The following OSBPL10 variants were observed in gnomAD, a reference collection of about 807,000 sequenced individuals.
The protein encoded by OSBPL10 is oxysterol-binding protein-related protein 10.
In OSBPL10, 49 loss-of-function variants were observed where a neutral mutation model predicts 81.7. The ratio of observed to expected loss-of-function variants is 0.60; its 90% CI spans 0.48 to 0.76. The LOEUF (loss-of-function observed/expected upper bound fraction) is 0.76, where lower values mean the gene tolerates loss of function less well. OSBPL10 is among the 30% of genes least tolerant of loss of function. OSBPL10 has a pLI of 0.00. For synonymous variants in OSBPL10, 419 were observed against 383.6 expected, an observed-to-expected ratio of 1.09 and a Z score of -1.08; for missense variants, 923 against 987.8, an observed-to-expected ratio of 0.93 and a Z score of 0.88.
intron 1 of OSBPL10, among the ~76,000 whole-genome samples, chr3:31,881,511 A>G (rs562217619): frequency 3.9e-5 from 6 of 152,132 alleles, no homozygotes; most frequent in Non-Finnish European, 7.4e-5. Context: ...TTTTGCAAAG[A>G]GTTTCAGCAG....
At chr3:32,056,020 A>G (rs1699708898) in intron 1 of OSBPL10, among the ~76,000 whole-genome samples, 1 of 152,252 alleles carries the variant, frequency 6.6e-6, no homozygotes, top group Admixed American at 6.5e-5. Flanking sequence ...TGTGACAAAT[A>G]ATTATTCTTG....
chr3:31,980,839 A>G (rs1487046822), intron 1 of OSBPL10, 60 bp downstream of exon 1: 32 of 1,414,352 alleles, frequency 2.3e-5, no homozygotes, highest in Non-Finnish European at 2.8e-5. Flanking sequence ...ACACACACGC[A>G]CGCACACACA....
chr3:32,039,354 G>A (rs1017907188), intron 2 of OSBPL10, among the ~76,000 whole-genome samples: 1 of 79,120 alleles, frequency 1.3e-5, no homozygotes, highest in Non-Finnish European at 3.0e-5. Flanking sequence ...TAATTAATTA[G>A]TTAATTAAAA....
intron 1 of OSBPL10, among the ~76,000 whole-genome samples, chr3:31,943,028 T>C (rs1697581513): frequency 6.6e-6 from 1 of 152,222 alleles, no homozygotes; most frequent in Non-Finnish European, 1.5e-5. Context: ...TCCTCAGCCC[T>C]TGGTATCTTC....
chr3:31,694,072 T>C (rs545772461), intron 7 of OSBPL10, among the ~76,000 whole-genome samples: 63 of 152,300 alleles, frequency 4.1e-4, no homozygotes, highest in African/African-American at 1.4e-3. Flanking sequence ...TCTGACCTTT[T>C]ACAAAAAATG....
Position 31,703,221 on chromosome 3 carries a change from T to C in OSBPL10, c.1096-713A>G, listed in dbSNP as rs186771920. ...CAACTTAATAAACTGGGCAAGGGGA[T>C]TATTGCACATAAAATTTTCCAGTAT... On this transcript the variant is annotated intron_variant, in intron 6 of 11. Transcript: ENST00000396556. 1.2e-4 allele frequency among the ~76,000 whole-genome samples: 19 copies of C among 152,344 alleles called. No homozygotes were observed. In the South Asian group the frequency reaches 1.4e-3, roughly 12 times the overall value.
chr3:31,869,141 C>G (rs1430445673), intron 3 of OSBPL10, among the ~76,000 whole-genome samples: 1 of 152,202 alleles, frequency 6.6e-6, no homozygotes, highest in East Asian at 1.9e-4. Flanking sequence ...ATGGCTTTCA[C>G]TTCACTCTCT....
At chr3:31,829,565 A>G (rs1700182898) in intron 4 of OSBPL10, among the ~76,000 whole-genome samples, 1 of 152,180 alleles carries the variant, frequency 6.6e-6, no homozygotes, top group Non-Finnish European at 1.5e-5. Flanking sequence ...CTTCAAGGAC[A>G]GTATTCTTTT....
chr3:31,668,661 G>T lies in OSBPL10; in HGVS notation c.2077C>A (p.Gln693Lys). 6.2e-7 allele frequency: 1 copy of T among 1,613,522 alleles called. No individual in the cohort carries two copies. Among genetic ancestry groups the T allele is most frequent in the Non-Finnish European group, 8.5e-7 (1 of 1,179,662 alleles). The change falls in exon 10 of 12, where the codon CAG becomes AAG. Residue 693 changes from glutamine to lysine, a missense_variant. Around this residue, in one of 3 missense-constraint regions of OSBPL10, gnomAD observed 387 missense variants for 436.3 expected, o/e 0.89. Transcript: ENST00000396556. ...TCTCACCTGGACTCCATGGGTCCCT[G>T]CTTCTCAAGAGGTCTGATCTTCTTG... is the stretch of plus-strand genomic sequence containing the variant. ...YPKKIRPLEK[Q>K]GPMESRNLWR...
chr3:32,029,876 C>T (rs1443719276), intron 2 of OSBPL10, among the ~76,000 whole-genome samples: 1 of 152,160 alleles, frequency 6.6e-6, no homozygotes, highest in Non-Finnish European at 1.5e-5. Flanking sequence ...TCTCTCATAG[C>T]TCCAAGCACA....
intron 3 of OSBPL10, among the ~76,000 whole-genome samples, chr3:31,866,475 C>CA (rs1440183131): frequency 6.6e-6 from 1 of 152,212 alleles, no homozygotes; most frequent in African/African-American, 2.4e-5. Flanking sequence ...TCTCCTTAGT[C>CA]AGAGTGGATG....
chr3:31,950,360 C>T (rs1410388031), intron 1 of OSBPL10, among the ~76,000 whole-genome samples: 1 of 152,182 alleles, frequency 6.6e-6, no homozygotes, highest in Admixed American at 6.5e-5. Flanking sequence ...ACATGAAGAG[C>T]TGCTGTCTTT....
chr3:31,944,939 T>A (rs1575051677), intron 1 of OSBPL10, among the ~76,000 whole-genome samples: 3 of 135,888 alleles, frequency 2.2e-5, no homozygotes, highest in African/African-American at 2.7e-5. Flanking sequence ...GATCCTGAGG[T>A]CAAGAGATTG....
chr3:31,982,819 G>C (rs984776777), upstream of OSBPL10, among the ~76,000 whole-genome samples: 9 of 152,184 alleles, frequency 5.9e-5, no homozygotes, highest in African/African-American at 2.2e-4. Flanking sequence ...ATGTTCATTT[G>C]TTCAAAATAT....
intron 1 of OSBPL10, among the ~76,000 whole-genome samples, chr3:32,069,919 AG>A (rs1699813270): frequency 2.6e-5 from 4 of 152,342 alleles, no homozygotes; most frequent in Admixed American, 2.6e-4. Flanking sequence ...CCCGCAGCCC[AG>A]GATTCTTCCT....
chr3:31,957,935 G>A (rs1698057548), intron 1 of OSBPL10, among the ~76,000 whole-genome samples: 1 of 152,146 alleles, frequency 6.6e-6, no homozygotes, highest in African/African-American at 2.4e-5. Context: ...CACCGCACCC[G>A]GCCAGATTCC....
intron 1 of OSBPL10, among the ~76,000 whole-genome samples, chr3:31,936,092 C>T (rs1221945413): frequency 1.3e-5 from 2 of 152,184 alleles, no homozygotes; most frequent in African/African-American, 2.4e-5. Flanking sequence ...CCCCTCTGTT[C>T]TAACATTCCC....
At chr3:32,028,935 C>CACAG (rs1699441695) in intron 2 of OSBPL10, among the ~76,000 whole-genome samples, 1 of 125,136 alleles carries the variant, frequency 8.0e-6, no homozygotes, top group Non-Finnish European at 1.7e-5. Context: ...AGGACACACA[C>CACAG]ACACACACAC....
intron 1 of OSBPL10, among the ~76,000 whole-genome samples, chr3:31,910,254 C>T (rs1196850019): frequency 6.6e-6 from 1 of 150,484 alleles, no homozygotes; most frequent in Non-Finnish European, 1.5e-5. Context: ...GCTGGGATTA[C>T]AGGTGTGAGC....
Sources: gnomAD v4.1 joint callset for allele counts (sites outside exome capture counted in the v4.1 genomes callset) on GRCh38, gnomAD v4.1.1 for gene constraint, gnomAD v4.1.1 regional missense constraint, MANE v1.5 for transcripts, NCBI Gene and HGNC (gene_info 2026-07-23, HGNC 2026-07-21) for gene names.